Variants in POLA1 observed in about 807,000 individuals in gnomAD.
POLA1 encodes the protein DNA polymerase alpha 1, catalytic subunit.
In POLA1, 15 loss-of-function variants were observed where a neutral mutation model predicts 124.0. The observed-to-expected ratio is 0.12, with a 90% CI of 0.08 to 0.19. The LOEUF (loss-of-function observed/expected upper bound fraction) is 0.19, where lower values mean the gene tolerates loss of function less well. Ranked by LOEUF, POLA1 falls within the 10% of genes least tolerant of loss-of-function variation. POLA1 has a pLI of 1.00. For missense variants in POLA1, 886 were observed against 1,103.4 expected, an observed-to-expected ratio of 0.80 and a Z score of 2.79; for synonymous variants, 408 against 389.4, an observed-to-expected ratio of 1.05 and a Z score of -0.56.
chrX:24,805,632 G>C (rs1333565785), intron 26 of POLA1, among the ~76,000 whole-genome samples: 1 of 111,874 alleles, frequency 8.9e-6, no homozygotes, highest in Admixed American at 9.5e-5. Context: ...GCTGTACTTT[G>C]TTAAGGGAAA....
At chrX:24,797,086 G>GC (rs1275418224) in intron 26 of POLA1, among the ~76,000 whole-genome samples, 1 of 110,903 alleles carries the variant, frequency 9.0e-6, no homozygotes, top group Non-Finnish European at 1.9e-5. Context: ...CCTGGACACT[G>GC]CCCCCCTCAA....
intron 26 of POLA1, among the ~76,000 whole-genome samples, chrX:24,754,170 T>C (rs1200019681): frequency 8.9e-6 from 1 of 111,842 alleles, no homozygotes; most frequent in African/African-American, 3.3e-5. Context: ...AATTTTACAA[T>C]TAAATATTAA....
At chrX:24,977,578 T>C (rs1177569908) in intron 36 of POLA1, among the ~76,000 whole-genome samples, 1 of 112,242 alleles carries the variant, frequency 8.9e-6, no homozygotes, top group Non-Finnish European at 1.9e-5. Context: ...CTCTTTCCAT[T>C]TGGAAAGTCA....
At chrX:24,773,507 A>G (rs1429042240) in intron 26 of POLA1, among the ~76,000 whole-genome samples, 1 of 112,065 alleles carries the variant, frequency 8.9e-6, no homozygotes, top group Non-Finnish European at 1.9e-5. Context: ...ACTGCTACCT[A>G]TTAGCTGTGT....
intron 26 of POLA1, among the ~76,000 whole-genome samples, chrX:24,792,416 C>T (rs2045518697): frequency 8.9e-6 from 1 of 112,350 alleles, no homozygotes; most frequent in African/African-American, 3.2e-5. Flanking sequence ...TACTCTTCTT[C>T]CTGCCTCTGT....
chrX:24,746,528 G>A (rs1044465021), intron 24 of POLA1, among the ~76,000 whole-genome samples: 5 of 111,998 alleles, frequency 4.5e-5, no homozygotes, highest in African/African-American at 1.6e-4. Flanking sequence ...TACTATACAT[G>A]TAGCAATTTA....
At chrX:24,892,068 G>A (rs1327721155) in intron 35 of POLA1, among the ~76,000 whole-genome samples, 1 of 111,181 alleles carries the variant, frequency 9.0e-6, no homozygotes, top group Non-Finnish European at 1.9e-5. Context: ...CATTGCCAGA[G>A]TTAGAAGAAG....
intron 32 of POLA1, among the ~76,000 whole-genome samples, chrX:24,834,697 G>A (rs1051233387): frequency 1.8e-5 from 2 of 111,650 alleles, no homozygotes; most frequent in African/African-American, 6.5e-5. Flanking sequence ...AGAATCTCTT[G>A]AACCTGGGAG....
intron 35 of POLA1, among the ~76,000 whole-genome samples, chrX:24,893,456 G>A (rs1443907950): frequency 9.0e-6 from 1 of 111,710 alleles, no homozygotes; most frequent in Non-Finnish European, 1.9e-5. Flanking sequence ...AGTGAACCAT[G>A]CAGTGGCATT....
At chrX:24,798,271 A>G (rs1196517544) in intron 26 of POLA1, among the ~76,000 whole-genome samples, 2 of 111,429 alleles carry the variant, frequency 1.8e-5, no homozygotes, top group African/African-American at 3.3e-5. Context: ...ATAAATGGGA[A>G]TATGTCATTT....
chrX:24,785,014 T>G (rs765526642), intron 26 of POLA1, among the ~76,000 whole-genome samples: 2 of 112,239 alleles, frequency 1.8e-5, no homozygotes, highest in Non-Finnish European at 3.8e-5. Context: ...AAAATATTAG[T>G]TAGGGGATTT....
chrX:24,784,894 A>T (rs1232934004), intron 26 of POLA1, among the ~76,000 whole-genome samples: 1 of 111,148 alleles, frequency 9.0e-6, no homozygotes, highest in East Asian at 2.8e-4. Context: ...CTAAACAGAA[A>T]ACACGTAGCC....
intron 36 of POLA1, among the ~76,000 whole-genome samples, chrX:24,984,197 A>G (rs1238988633): frequency 8.9e-6 from 1 of 112,669 alleles, no homozygotes; most frequent in Non-Finnish European, 1.9e-5. Context: ...AGCATTAAAA[A>G]GTATACATTG....
intron 36 of POLA1, among the ~76,000 whole-genome samples, chrX:24,940,293 G>A (rs2047896989): frequency 8.9e-6 from 1 of 111,846 alleles, no homozygotes; most frequent in Non-Finnish European, 1.9e-5. Context: ...ACTACAAAGA[G>A]AAATCCCAGA....
intron 36 of POLA1, among the ~76,000 whole-genome samples, chrX:24,952,311 C>T (rs1179485535): frequency 3.6e-5 from 4 of 112,054 alleles, no homozygotes; most frequent in African/African-American, 1.3e-4. Context: ...TCTCTAGTGC[C>T]CTTCCCTTCT....
At chrX:24,907,456 A>C (rs1179432764) in intron 35 of POLA1, among the ~76,000 whole-genome samples, 2 of 111,864 alleles carry the variant, frequency 1.8e-5, no homozygotes, top group Non-Finnish European at 3.8e-5. Flanking sequence ...TCCCAGGTAA[A>C]GCATAATAAA....
At chrX:24,914,390 A>G (rs1278787230) in intron 35 of POLA1, among the ~76,000 whole-genome samples, 1 of 111,172 alleles carries the variant, frequency 9.0e-6, no homozygotes, top group African/African-American at 3.3e-5. Flanking sequence ...AATAAATGTC[A>G]CTGGGAGCCC....
intron 36 of POLA1, among the ~76,000 whole-genome samples, chrX:24,979,618 A>G (rs1209728998): frequency 8.9e-6 from 1 of 112,254 alleles, no homozygotes; most frequent in African/African-American, 3.2e-5. Flanking sequence ...CACTTATATT[A>G]AGGGTTCTAC....
At chrX:24,858,045 T>C (rs1248888394) in intron 34 of POLA1, among the ~76,000 whole-genome samples, 1 of 112,239 alleles carries the variant, frequency 8.9e-6, no homozygotes, top group Non-Finnish European at 1.9e-5. Flanking sequence ...TGTGTACTTA[T>C]AAATAAGAAG....
Sources: gnomAD v4.1 joint callset for allele counts (sites outside exome capture counted in the v4.1 genomes callset) on GRCh38, gnomAD v4.1.1 for gene constraint, MANE v1.5 for transcripts, NCBI Gene and HGNC (gene_info 2026-07-23, HGNC 2026-07-21) for gene names.